NPTN: variants seen among roughly 807,000 people sequenced by gnomAD.
The protein encoded by NPTN is SDR-1.
Under a neutral mutation model 42.7 loss-of-function variants are expected in NPTN, and 5 were observed. The ratio of observed to expected loss-of-function variants is 0.12; its 90% CI spans 0.06 to 0.25. The LOEUF (loss-of-function observed/expected upper bound fraction) is 0.25, where lower values mean the gene tolerates loss of function less well. NPTN is among the 10% of genes least tolerant of loss of function. NPTN has a pLI of 1.00. For synonymous variants in NPTN, 180 were observed against 201.9 expected, an observed-to-expected ratio of 0.89 and a Z score of 0.92; for missense variants, 307 against 525.4, an observed-to-expected ratio of 0.58 and a Z score of 4.06.
intron 4 of NPTN, among the ~76,000 whole-genome samples, chr15:73,577,145 A>G (rs1201117508): frequency 6.6e-6 from 1 of 152,202 alleles, no homozygotes; most frequent in South Asian, 2.1e-4. Context: ...GTTCACTTAA[A>G]CACTGTAGTA....
chr15:73,579,999 T>C (rs78923432), intron 4 of NPTN, among the ~76,000 whole-genome samples: 7,714 of 152,250 alleles, frequency 0.051, 208 homozygotes, highest in South Asian at 0.092. Context: ...GGGTAATTTA[T>C]TATGCATTTT....
intron 4 of NPTN, among the ~76,000 whole-genome samples, chr15:73,574,280 A>G (rs1040752151): frequency 6.6e-6 from 1 of 152,246 alleles, no homozygotes; most frequent in Non-Finnish European, 1.5e-5. Context: ...ATGTAAAAAC[A>G]ATGAATGCTT....
chr15:73,579,055 C>T (rs1340091483), intron 4 of NPTN, among the ~76,000 whole-genome samples: 6 of 147,880 alleles, frequency 4.1e-5, no homozygotes, highest in African/African-American at 7.5e-5. Flanking sequence ...CTGAGGCAGG[C>T]GGATCACGAG....
chr15:73,607,446 G>T (rs566579347), intron 1 of NPTN, among the ~76,000 whole-genome samples: 1 of 151,982 alleles, frequency 6.6e-6, no homozygotes, highest in East Asian at 1.9e-4. Flanking sequence ...ATCATATATC[G>T]CATGAATATG....
chr15:73,566,177 A>G (rs1325028299), intron 6 of NPTN, among the ~76,000 whole-genome samples: 1 of 152,208 alleles, frequency 6.6e-6, no homozygotes, highest in East Asian at 1.9e-4. Context: ...AACAGACCAG[A>G]CACCGAATGC....
chr15:73,567,146 GT>G, intron 6 of NPTN: 1 of 983,918 alleles, frequency 1.0e-6, no homozygotes, highest in South Asian at 4.7e-5. Flanking sequence ...TTATACTTTT[GT>G]ATTGTTCACT....
chr15:73,614,163 A>T (rs1256539114), intron 1 of NPTN, among the ~76,000 whole-genome samples: 2 of 151,764 alleles, frequency 1.3e-5, no homozygotes, highest in Non-Finnish European at 2.9e-5. Flanking sequence ...AATACAAAAA[A>T]AAAAAAAAAA....
intron 1 of NPTN, among the ~76,000 whole-genome samples, chr15:73,615,586 TAGAA>T (rs1453236728): frequency 3.9e-5 from 6 of 152,192 alleles, no homozygotes; most frequent in African/African-American, 1.2e-4. Context: ...CATTTTATCT[TAGAA>T]AGACTGTACA....
chr15:73,631,711 C>T (rs113436407), intron 1 of NPTN, among the ~76,000 whole-genome samples: 2,083 of 152,252 alleles, frequency 0.014, 24 homozygotes, highest in Middle Eastern at 0.024. Context: ...GTTCACTCTC[C>T]AGTACTGACT....
Position 73,560,079 on chromosome 15 carries a change from C to T in NPTN, c.*984G>A. On this transcript the variant is annotated 3_prime_UTR_variant, in exon 9 of 9. Coordinates refer to ENST00000345330, the MANE Select transcript of NPTN (RefSeq NM_012428.4). Reference sequence around the variant, plus strand: ...CACTTTTTTATACATCATTGCACTTCAATAATTACACAAAACACACAAGTA... The same window carrying T: ...CACTTTTTTATACATCATTGCACTTTAATAATTACACAAAACACACAAGTA... 1.8e-6 allele frequency: 1 copy of T among 562,438 alleles called. No homozygotes were observed. The highest frequency in any genetic ancestry group is 2.9e-6 in the Non-Finnish European group (1 of 340,906). The allele number at this position is 562,438 out of a possible 1,614,324, so 34.8% of individuals were successfully genotyped here. A position where few individuals can be genotyped will look rare whatever the true frequency, so the allele number is the denominator to read the frequency against.
intron 1 of NPTN, chr15:73,599,443 G>C (rs936750409): frequency 6.6e-6 from 1 of 152,106 alleles, no homozygotes; most frequent in Non-Finnish European, 1.5e-5. Context: ...GTGAAACCCC[G>C]TCTCTACTAT....
chr15:73,597,618 T>C lies in NPTN; in HGVS notation c.92-249A>G, dbSNP rs1431334972. Among the ~76,000 whole-genome samples, 3 of 152,180 alleles carry C rather than the reference T, an allele frequency of 2.0e-5. No individual in the cohort carries two copies. The East Asian group carries it at 5.8e-4, about 29-fold the overall frequency. On this transcript the variant is annotated intron_variant, in intron 1 of 8. Coordinates refer to ENST00000345330, the MANE Select transcript of NPTN (RefSeq NM_012428.4). This position sits in a 1 kb window ranked among gnomAD's most constrained non-coding sequence, Gnocchi z 6.3. ...TAATTACAAGCTGGGGCAGCCCAGGTGCTGGCCAGGCAGAAGCAAGCCCAC... is the reference window on the plus strand; with the variant it reads ...TAATTACAAGCTGGGGCAGCCCAGGCGCTGGCCAGGCAGAAGCAAGCCCAC...
At chr15:73,613,583 C>G (rs887710054) in intron 1 of NPTN, among the ~76,000 whole-genome samples, 2 of 152,148 alleles carry the variant, frequency 1.3e-5, no homozygotes, top group African/African-American at 4.8e-5. Context: ...AAAAAACAGG[C>G]CAAGATTGTG....
intron 5 of NPTN, among the ~76,000 whole-genome samples, chr15:73,572,082 C>G (rs1319496566): frequency 6.6e-6 from 1 of 152,166 alleles, no homozygotes; most frequent in Non-Finnish European, 1.5e-5. Context: ...TCCTGCTCCT[C>G]GTTAACGGGT....
intron 4 of NPTN, among the ~76,000 whole-genome samples, chr15:73,586,774 T>C (rs1036774668): frequency 6.6e-6 from 1 of 152,174 alleles, no homozygotes; most frequent in African/African-American, 2.4e-5. Context: ...TGCCTTCTCA[T>C]GATAATTTTG....
chr15:73,613,226 T>A (rs1412686900), intron 1 of NPTN, among the ~76,000 whole-genome samples: 1 of 152,224 alleles, frequency 6.6e-6, no homozygotes, highest in Non-Finnish European at 1.5e-5. Flanking sequence ...TCCCTTTGAT[T>A]GTTAAATATC....
chr15:73,567,557 G>T (rs915723353), intron 6 of NPTN: 10 of 985,310 alleles, frequency 1.0e-5, no homozygotes, highest in Non-Finnish European at 1.2e-5. Context: ...GTGCACAGGG[G>T]TTGAGGGGAA....
intron 6 of NPTN, chr15:73,567,109 A>G: frequency 1.0e-6 from 1 of 980,808 alleles, no homozygotes; most frequent in Non-Finnish European, 1.2e-6. Flanking sequence ...TACTTAAACT[A>G]AACTATGTAA....
At chr15:73,611,861 G>C (rs565749222) in intron 1 of NPTN, among the ~76,000 whole-genome samples, 1 of 152,152 alleles carries the variant, frequency 6.6e-6, no homozygotes, top group African/African-American at 2.4e-5. Context: ...GGGGGTACAT[G>C]GGAACTCTCT....
Sources: gnomAD v4.1 joint callset for allele counts (sites outside exome capture counted in the v4.1 genomes callset) on GRCh38, gnomAD v4.1.1 for gene constraint, Gnocchi (gnomAD v3.1) non-coding constraint, MANE v1.5 for transcripts, NCBI Gene and HGNC (gene_info 2026-07-23, HGNC 2026-07-21) for gene names.